Variants in YAF2 observed in about 807,000 individuals in gnomAD.
YAF2 encodes the protein YY1 associated factor 2.
A neutral mutation model predicts 20.1 loss-of-function variants in YAF2; 7 were observed. The ratio of observed to expected loss-of-function variants is 0.35; its 90% CI spans 0.20 to 0.65. The LOEUF is 0.65. Ranked by LOEUF, YAF2 falls within the 30% of genes least tolerant of loss-of-function variation. YAF2 has a pLI of 0.69. For synonymous variants in YAF2, 74 were observed against 76.0 expected (o/e 0.97, Z 0.14); for missense variants, 151 against 219.2 (o/e 0.69, Z 1.96).
chr12:42,157,614 A>C lies in YAF2; in HGVS notation c.*2975T>G. The C allele has an allele frequency of 6.6e-6, 1 of 152,244 alleles. No homozygotes were observed. The allele number at this position is 152,244 out of a possible 1,614,324, so 9.4% of individuals were successfully genotyped here. A position where few individuals can be genotyped will look rare whatever the true frequency, so the allele number is the denominator to read the frequency against. On this transcript the variant is annotated 3_prime_UTR_variant, in exon 4 of 4. Coordinates refer to ENST00000534854, the MANE Select transcript of YAF2 (RefSeq NM_005748.6). ...TAATAAACATGCTATCAACTTAGAA[A>C]GGCTGAAGTTTCTCTTCCTTTTTAA...
At chr12:42,178,858 C>T (rs1042605535) in intron 2 of YAF2, among the ~76,000 whole-genome samples, 3 of 151,844 alleles carry the variant, frequency 2.0e-5, no homozygotes, top group Admixed American at 6.6e-5. Context: ...AACACCCTGG[C>T]GACATATTGG....
At chr12:42,215,911 C>A (rs561859912) in intron 2 of YAF2, among the ~76,000 whole-genome samples, 2 of 150,790 alleles carry the variant, frequency 1.3e-5, no homozygotes, top group African/African-American at 4.9e-5. Flanking sequence ...GGCGACAGAG[C>A]GAGATTCCAG....
At chr12:42,220,417 CAT>C (rs1222296640) in intron 2 of YAF2, among the ~76,000 whole-genome samples, 1 of 152,056 alleles carries the variant, frequency 6.6e-6, no homozygotes, top group African/African-American at 2.4e-5. Context: ...TTACATAAAA[CAT>C]AAAAGATTTT....
intron 2 of YAF2, among the ~76,000 whole-genome samples, chr12:42,217,544 C>G (rs2067391512): frequency 6.6e-6 from 1 of 151,990 alleles, no homozygotes; most frequent in Admixed American, 6.6e-5. Flanking sequence ...TTTATCAGTA[C>G]CTACACAAGA....
intron 2 of YAF2, chr12:42,234,656 C>G (rs1037711186): frequency 1.0e-6 from 1 of 984,376 alleles, no homozygotes; most frequent in Non-Finnish European, 1.2e-6. Context: ...AGAATTTGAA[C>G]TTAATATTAT....
intron 2 of YAF2, among the ~76,000 whole-genome samples, chr12:42,221,578 A>G (rs1013413973): frequency 1.3e-5 from 2 of 152,162 alleles, no homozygotes; most frequent in Non-Finnish European, 1.5e-5. Context: ...AATTTTTTTT[A>G]AGTGACTGGA....
At chr12:42,234,582 C>T (rs1416450792) in intron 2 of YAF2, 21 of 985,238 alleles carry the variant, frequency 2.1e-5, no homozygotes, top group Admixed American at 6.2e-5. Flanking sequence ...AATGTAACTT[C>T]GTTCTCTAGA....
intron 2 of YAF2, among the ~76,000 whole-genome samples, chr12:42,218,404 A>G (rs1200571627): frequency 6.6e-6 from 1 of 152,198 alleles, no homozygotes; most frequent in Non-Finnish European, 1.5e-5. Context: ...GACTGTTGTT[A>G]GTATACCTTA....
At chr12:42,222,899 G>A (rs1411197384) in intron 2 of YAF2, among the ~76,000 whole-genome samples, 1 of 151,828 alleles carries the variant, frequency 6.6e-6, no homozygotes, top group African/African-American at 2.4e-5. Flanking sequence ...TTACTGTTAA[G>A]GAATAAATGG....
intron 2 of YAF2, among the ~76,000 whole-genome samples, chr12:42,173,266 T>A (rs2066098557): frequency 6.6e-6 from 1 of 152,182 alleles, no homozygotes; most frequent in African/African-American, 2.4e-5. Flanking sequence ...CTATATGTAT[T>A]TAATTTTCAA....
chr12:42,210,496 G>T (rs1465009331), intron 2 of YAF2: 3 of 1,535,906 alleles, frequency 2.0e-6, no homozygotes, highest in Admixed American at 2.0e-5. Context: ...AAGAAAGTTT[G>T]GGGGAGGGGA....
At chr12:42,233,239 G>A (rs982521123) in intron 2 of YAF2, 31 of 984,976 alleles carry the variant, frequency 3.1e-5, no homozygotes, top group Admixed American at 6.2e-5. Context: ...GAAACCTAAA[G>A]GACTGTTATA....
intron 2 of YAF2, among the ~76,000 whole-genome samples, chr12:42,226,419 T>G (rs528341505): frequency 2.0e-5 from 3 of 152,164 alleles, no homozygotes; most frequent in Admixed American, 2.0e-4. Context: ...TCCCAACATT[T>G]TGGAGGCCAA....
chr12:42,200,360 A>C (rs1441574670), intron 2 of YAF2, among the ~76,000 whole-genome samples: 1 of 152,196 alleles, frequency 6.6e-6, no homozygotes, highest in East Asian at 1.9e-4. Flanking sequence ...TGTAAAGCTG[A>C]ACTCCTTAAA....
At chr12:42,183,625 A>G (rs1482019761) in intron 2 of YAF2, among the ~76,000 whole-genome samples, 2 of 152,218 alleles carry the variant, frequency 1.3e-5, no homozygotes, top group African/African-American at 2.4e-5. Flanking sequence ...ATGAAGGCTG[A>G]AAGAGGTGAG....
intron 2 of YAF2, chr12:42,234,237 A>C: frequency 2.0e-6 from 2 of 984,850 alleles, no homozygotes; most frequent in Non-Finnish European, 2.4e-6. Context: ...AAGAAAGAAA[A>C]GAAACTTCAG....
chr12:42,180,826 T>C (rs1222084597), intron 2 of YAF2, among the ~76,000 whole-genome samples: 1 of 152,072 alleles, frequency 6.6e-6, no homozygotes, highest in African/African-American at 2.4e-5. Context: ...TGCGTGCCTA[T>C]AATCCCAGCT....
chr12:42,170,316 T>C (rs930120402), intron 2 of YAF2, among the ~76,000 whole-genome samples: 4 of 152,238 alleles, frequency 2.6e-5, no homozygotes, highest in Non-Finnish European at 5.9e-5. Flanking sequence ...AAATGATTGC[T>C]GAATGAATTA....
intron 2 of YAF2, among the ~76,000 whole-genome samples, chr12:42,185,810 CA>C (rs934208276): frequency 6.6e-6 from 1 of 152,130 alleles, no homozygotes; most frequent in Non-Finnish European, 1.5e-5. Context: ...ACTAGGAAAC[CA>C]AAAACTTCGT....
Sources: gnomAD v4.1 joint callset for allele counts (sites outside exome capture counted in the v4.1 genomes callset) on GRCh38, gnomAD v4.1.1 for gene constraint, MANE v1.5 for transcripts, NCBI Gene and HGNC (gene_info 2026-07-23, HGNC 2026-07-21) for gene names.